Variants in TRPM3 observed in about 807,000 individuals in gnomAD.
TRPM3 encodes transient receptor potential cation channel subfamily M member 3, also known as long transient receptor potential channel 3.
TRPM3 carries 77 observed loss-of-function variants against 181.2 expected under a neutral mutation model. That is an observed-to-expected ratio of 0.42 (90% CI 0.35 to 0.51). TRPM3 has a LOEUF of 0.51. Among genes scored for constraint, TRPM3 ranks in the 20% least tolerant of loss-of-function variants. The probability of loss-of-function intolerance (pLI) is 0.01; values close to 1 mark genes in which losing one functional copy is unlikely to be tolerated. For synonymous variants in TRPM3, 745 were observed against 796.4 expected (o/e 0.94, Z 1.09); for missense variants, 1,759 against 2,196.7 (o/e 0.80, Z 3.98).
intron 9 of TRPM3, among the ~76,000 whole-genome samples, chr9:70,664,324 A>T (rs72720665): frequency 6.6e-6 from 1 of 152,318 alleles, no homozygotes; most frequent in Non-Finnish European, 1.5e-5. Flanking sequence ...AGAATTGCTG[A>T]TCAGTATTAG....
chr9:70,846,430 G>C lies in TRPM3; in HGVS notation c.624C>G (p.Ile208Met), dbSNP rs760188570. Residue 208 changes from isoleucine (I) to methionine (M), a missense_variant, in exon 4 of 26, where the codon ATC becomes ATG. Transcript: ENST00000677713. ...ACGCTCCAGTTGTCATTGCTGCTTT[G>C]ATGAGCCCTTTCCCAAAGACTTGCT... ...KLKQVFGKGL[I>M]KAAMTTGAWI... 3 of 1,614,034 alleles carry C rather than the reference G, an allele frequency of 1.9e-6. No individual in the cohort carries two copies. In the African/African-American group the frequency reaches 4.0e-5, roughly 22 times the overall value.
chr9:70,911,784 A>G (rs914893175), intron 1 of TRPM3, among the ~76,000 whole-genome samples: 3 of 152,208 alleles, frequency 2.0e-5, no homozygotes, highest in Non-Finnish European at 2.9e-5. Flanking sequence ...TACCAATACA[A>G]CTGCTTTAGT....
intron 21 of TRPM3, among the ~76,000 whole-genome samples, chr9:70,593,708 GCAT>G (rs1324685640): frequency 6.6e-6 from 1 of 151,874 alleles, no homozygotes; most frequent in Non-Finnish European, 1.5e-5. Flanking sequence ...CAGAAATAGA[GCAT>G]TATTAGTGAG....
intron 1 of TRPM3, among the ~76,000 whole-genome samples, chr9:70,962,157 C>T (rs2097142350): frequency 6.6e-6 from 1 of 152,020 alleles, no homozygotes; most frequent in Non-Finnish European, 1.5e-5. Context: ...AACTTTAGAA[C>T]TTATATTGAG....
intron 7 of TRPM3, among the ~76,000 whole-genome samples, chr9:70,779,567 G>C (rs1011948513): frequency 3.6e-4 from 55 of 152,032 alleles, no homozygotes; most frequent in African/African-American, 1.3e-3. Context: ...GCATTATCAG[G>C]CAAAGTAATC....
At chr9:71,144,631 A>G (rs773257065) in intron 1 of TRPM3, among the ~76,000 whole-genome samples, 67 of 152,284 alleles carry the variant, frequency 4.4e-4, no homozygotes, top group Non-Finnish European at 8.2e-4. Flanking sequence ...ATTATAATGA[A>G]CATTACTCTG....
chr9:70,800,970 A>G (rs1328612194), intron 6 of TRPM3, among the ~76,000 whole-genome samples: 2 of 152,216 alleles, frequency 1.3e-5, no homozygotes, highest in African/African-American at 4.8e-5. Flanking sequence ...AGTGTCAGAA[A>G]TGGGTTTCAA....
At chr9:71,233,708 T>C (rs1207176854) in intron 1 of TRPM3, among the ~76,000 whole-genome samples, 1 of 152,212 alleles carries the variant, frequency 6.6e-6, no homozygotes, top group Non-Finnish European at 1.5e-5. Flanking sequence ...TAGGTGTTAT[T>C]ATTAGCATTA....
chr9:71,354,263 G>A (rs1380608196), intron 1 of TRPM3, among the ~76,000 whole-genome samples: 1 of 152,132 alleles, frequency 6.6e-6, no homozygotes, highest in African/African-American at 2.4e-5. Context: ...GCTACAAGAA[G>A]ACTCGTCCTG....
intron 1 of TRPM3, among the ~76,000 whole-genome samples, chr9:71,301,282 A>G (rs1482062842): frequency 6.6e-6 from 1 of 152,168 alleles, no homozygotes; most frequent in Non-Finnish European, 1.5e-5. Context: ...GAATGGTATT[A>G]TGAGTAATTT....
rs2041970672 is a variant in TRPM3, at chr9:70,537,118, T to C, written c.3995A>G (p.Glu1332Gly). The C allele has an allele frequency of 6.2e-7, 1 of 1,608,142 alleles. No homozygotes were observed. The highest frequency in any genetic ancestry group is 1.3e-5 in the African/African-American group (1 of 74,806). Residue 1332 changes from glutamate (E) to glycine (G), a missense_variant, in exon 26 of 26, where the codon GAG becomes GGG. Physicochemically the swap from Glu to Gly is moderately conservative, Grantham distance 98 (BLOSUM62 -2). Transcript: ENST00000677713. ...KLQESIDPAG[E>G]ETMSPTSPTL... ...TGGAGAAGTTGGGGACATGGTCTCC[T>C]CACCTGCAGGGTCTATACTCTCTTG...
chr9:70,618,848 C>T lies in TRPM3; in HGVS notation c.2358+19G>A. 3.1e-6 allele frequency: 5 copies of T among 1,600,132 alleles called. No individual in the cohort carries two copies. Among genetic ancestry groups the T allele is most frequent in the South Asian group, 1.1e-5 (1 of 90,992 alleles). On this transcript the variant is annotated intron_variant, in intron 17 of 25. Coordinates refer to ENST00000677713, the MANE Select transcript of TRPM3 (RefSeq NM_001366145.2). ...CCGCCGGTCCTCATAGCCAGGAGGGCCTTATTGGGCGCCCTGACCTTGAGG... is the reference window on the plus strand; with the variant it reads ...CCGCCGGTCCTCATAGCCAGGAGGGTCTTATTGGGCGCCCTGACCTTGAGG...
intron 1 of TRPM3, among the ~76,000 whole-genome samples, chr9:71,028,581 A>T (rs1042069763): frequency 1.3e-5 from 2 of 151,968 alleles, no homozygotes; most frequent in Admixed American, 6.6e-5. Flanking sequence ...CTTAAATGCA[A>T]TGACACACAT....
Position 70,529,340 on chromosome 9 carries a change from C to T in TRPM3, c.*6613G>A, listed in dbSNP as rs1040358398. The T allele has an allele frequency of 1.3e-5, 2 of 152,150 alleles. No individual in the cohort carries two copies. The highest frequency in any genetic ancestry group is 1.9e-4 in the East Asian group (1 of 5,192). 9.4% of individuals were successfully genotyped at this position (152,150 alleles called of 1,614,324 possible). A position where few individuals can be genotyped will look rare whatever the true frequency, so the allele number is the denominator to read the frequency against. On this transcript the variant is annotated 3_prime_UTR_variant, in exon 26 of 26. Transcript: ENST00000677713. ...ATATTCAGCAAACCCAATTTTAAAA[C>T]CATTGTATTTGTAGGAATTCATTTA...
At chr9:71,341,496 C>T (rs192907923) in intron 1 of TRPM3, among the ~76,000 whole-genome samples, 3 of 151,912 alleles carry the variant, frequency 2.0e-5, no homozygotes, top group African/African-American at 7.3e-5. Flanking sequence ...AAACTACAGA[C>T]GAACTCAAGT....
chr9:71,355,490 A>T (rs559742476), intron 1 of TRPM3, among the ~76,000 whole-genome samples: 1 of 152,262 alleles, frequency 6.6e-6, no homozygotes, highest in South Asian at 2.1e-4. Flanking sequence ...CTTTCAGAAG[A>T]ATCCAGCCCC....
At chr9:70,848,474 A>C (rs2095075601) in intron 3 of TRPM3, among the ~76,000 whole-genome samples, 1 of 152,182 alleles carries the variant, frequency 6.6e-6, no homozygotes, top group African/African-American at 2.4e-5. Flanking sequence ...ACCAATTCTA[A>C]CATGCAGAAA....
intron 1 of TRPM3, among the ~76,000 whole-genome samples, chr9:71,364,767 G>C (rs1430692832): frequency 6.6e-6 from 1 of 152,158 alleles, no homozygotes; most frequent in Non-Finnish European, 1.5e-5. Flanking sequence ...AAGTGACCCA[G>C]GGCACTGAAA....
intron 8 of TRPM3, among the ~76,000 whole-genome samples, chr9:70,753,078 T>C (rs570832963): frequency 1.3e-5 from 2 of 151,892 alleles, no homozygotes; most frequent in South Asian, 2.1e-4. Context: ...CTGCACTCCA[T>C]CCTGGGCGAC....
Sources: allele counts gnomAD v4.1 joint callset (sites outside exome capture counted in the v4.1 genomes callset), GRCh38; gene constraint gnomAD v4.1.1; transcripts MANE v1.5; gene names NCBI Gene and HGNC (gene_info 2026-07-23, HGNC 2026-07-21).